TULP1: variants seen among roughly 807,000 people sequenced by gnomAD.
The protein encoded by TULP1 is TUB like protein 1, also known as tubby-related protein 1.
In TULP1, 50 loss-of-function variants were observed where a neutral mutation model predicts 67.1. The ratio of observed to expected loss-of-function variants is 0.75; its 90% CI spans 0.59 to 0.94. The LOEUF (loss-of-function observed/expected upper bound fraction) is 0.94, where lower values mean the gene tolerates loss of function less well. Ranked by LOEUF, TULP1 falls within the 40% of genes least tolerant of loss-of-function variation. The pLI, the probability that TULP1 is intolerant of heterozygous loss-of-function variation, is 0.00. For missense variants in TULP1, 746 were observed against 734.1 expected, an observed-to-expected ratio of 1.02 and a Z score of -0.19; for synonymous variants, 297 against 294.0, an observed-to-expected ratio of 1.01 and a Z score of -0.11.
chr6:35,499,559 C>T (rs1000872720), intron 14 of TULP1, among the ~76,000 whole-genome samples: 3 of 152,190 alleles, frequency 2.0e-5, no homozygotes, highest in Non-Finnish European at 4.4e-5. Context: ...AAATAAATTT[C>T]GAGGGCCAGT....
intron 8 of TULP1, among the ~76,000 whole-genome samples, chr6:35,506,699 C>T (rs1309497669): frequency 6.6e-6 from 1 of 152,092 alleles, no homozygotes; most frequent in Non-Finnish European, 1.5e-5. Context: ...GATAGTCATC[C>T]CCATTGTATA....
Position 35,503,580 on chromosome 6 carries a change from C to T in TULP1, c.1302G>A (p.Arg434=), listed in dbSNP as rs1254939310. Residue 434 remains arginine, a synonymous_variant, in exon 13 of 15, where the codon AGG becomes AGA. Coordinates refer to ENST00000229771, the MANE Select transcript of TULP1 (RefSeq NM_003322.6). This position sits in a 1 kb window ranked among gnomAD's most constrained non-coding sequence, Gnocchi z 4.0. ...IIPGMSAENE[R]VPIRPRNASD... is the part of the protein sequence containing the mutation. ...TCACATTTCGGGGCCGGATGGGGAC[C>T]CTCTCGTTCTCCGCACTCATGCCAG... The T allele has an allele frequency of 1.3e-6, 2 of 1,583,024 alleles. No individual in the cohort carries two copies. The highest frequency in any genetic ancestry group is 1.8e-5 in the Admixed American group (1 of 55,648).
At chr6:35,511,925 C>A in intron 3 of TULP1, 119 bp from the exon 4 acceptor site, 1 of 1,210,726 alleles carries the variant, frequency 8.3e-7, no homozygotes, top group Non-Finnish European at 1.1e-6. Context: ...AGGGATCTCC[C>A]CTGGGCTTGG....
chr6:35,505,574 A>G, intron 11 of TULP1, 167 bp downstream of exon 11: 1 of 1,524,120 alleles, frequency 6.6e-7, no homozygotes, highest in Non-Finnish European at 8.8e-7. Flanking sequence ...CATTTTAACA[A>G]GCTCCCCACA....
Position 35,512,232 on chromosome 6 carries a change from C to T in TULP1, c.138G>A (p.Thr46=). The change falls in exon 3 of 15, where the codon ACG becomes ACA. Residue 46 remains threonine (T), a synonymous_variant. Transcript: ENST00000229771. ...APAQRLRKKR[T]EAPESPCPTG... Reference sequence around the variant, plus strand: ...TGGGGCAGGGGGATTCGGGGGCCTCCGTCCTCTTCTTCCTTAGCCTCTGTG... The same window carrying T: ...TGGGGCAGGGGGATTCGGGGGCCTCTGTCCTCTTCTTCCTTAGCCTCTGTG... The T allele has an allele frequency of 4.4e-6, 6 of 1,378,268 alleles. No individual in the cohort carries two copies. The highest frequency in any genetic ancestry group is 2.1e-5 in the South Asian group (1 of 48,422). The allele number at this position is 1,378,268 out of a possible 1,614,324, so 85.4% of individuals were successfully genotyped here.
intron 8 of TULP1, among the ~76,000 whole-genome samples, chr6:35,508,153 G>A (rs1012623775): frequency 6.6e-6 from 1 of 152,224 alleles, no homozygotes; most frequent in Non-Finnish European, 1.5e-5. Context: ...GGTTTGCAGT[G>A]TGTTTGAGGG....
chr6:35,502,120 T>G (rs542802472), intron 13 of TULP1, among the ~76,000 whole-genome samples: 3 of 152,304 alleles, frequency 2.0e-5, no homozygotes, highest in South Asian at 4.1e-4. Flanking sequence ...ATATTGAGAC[T>G]TACACACTTA....
chr6:35,511,626 C>T (rs1761203944), intron 4 of TULP1, 22 bp downstream of exon 4: 1 of 1,587,068 alleles, frequency 6.3e-7, no homozygotes. Context: ...CCCTCACCCG[C>T]GTCCCTGGGG....
rs1478522828 is a variant in TULP1 at position 35,509,915 on chromosome 6, G to A, written c.513C>T (p.Ser171=). The A allele has an allele frequency of 6.2e-7, 1 of 1,613,790 alleles. No homozygotes were observed. Among genetic ancestry groups the A allele is most frequent in the South Asian group, 1.1e-5 (1 of 91,066 alleles). ...KAQGPRGDLG[S]PDPPPKPLRV... ...GCAGAGGTTTCGGTGGGGGGTCAGG[G>A]CTTCCCAGGTCTCCTGGAAATGGAA... Residue 171 remains serine (S), a synonymous_variant, in exon 6 of 15, where the codon AGC becomes AGT. Transcript: ENST00000229771.
chr6:35,506,011 C>G lies in TULP1; in HGVS notation c.991G>C (p.Glu331Gln). ...YPSYFLHLDTEKKVFLLAGRK... is the reference protein window; with the variant it reads ...YPSYFLHLDTQKKVFLLAGRK... The stretch of plus-strand genomic sequence containing the variant: ...TGCCTCTCCCCACCCACCTTCTTCT[C>G]CGTGTCCAGGTGCAGGAAGTAGGAG... Residue 331 changes from glutamate (E) to glutamine (Q), a missense_variant, in exon 10 of 15, where the codon GAG (glutamate) becomes CAG (glutamine). This residue lies in a region of TULP1 where 383 missense variants were observed against 374.1 expected (regional missense o/e 1.02). Coordinates refer to ENST00000229771, the MANE Select transcript of TULP1 (RefSeq NM_003322.6). 6.2e-7 allele frequency: 1 copy of G among 1,614,128 alleles called. No homozygotes were observed. Among genetic ancestry groups the G allele is most frequent in the Non-Finnish European group, 8.5e-7 (1 of 1,180,036 alleles).
Position 35,512,661 on chromosome 6 carries a change from T to C in TULP1, c.77A>G (p.Glu26Gly). ...SGHEEESLSP[E>G]APRRPKQRPA... ...TACCTGTTTGGGGCGCCGCGGGGCC[T>C]CCGGGCTCAGGCTTTCTTCTTCATG... Residue 26 changes from glutamate to glycine, a missense_variant, in exon 2 of 15, where the codon GAG (glutamate) becomes GGG (glycine). By Grantham distance (98) the Glu-to-Gly change is moderately conservative. Around this residue, in one of 3 missense-constraint regions of TULP1, gnomAD observed 359 missense variants for 341.9 expected, o/e 1.05. Coordinates refer to ENST00000229771, the MANE Select transcript of TULP1 (RefSeq NM_003322.6). The C allele has an allele frequency of 1.2e-6, 2 of 1,614,052 alleles. No homozygotes were observed. Among genetic ancestry groups the C allele is most frequent in the South Asian group, 2.2e-5 (2 of 91,082 alleles).
At chr6:35,512,547 G>A in intron 2 of TULP1, 92 bp downstream of exon 2, 2 of 1,550,412 alleles carry the variant, frequency 1.3e-6, no homozygotes, top group African/African-American at 1.4e-5. Flanking sequence ...CCTGCTAAGG[G>A]GGACCTGTCC....
In TULP1 at chr6:35,510,808, G is replaced by A. The variant is rs1761181233; in HGVS notation, c.499+53C>T. 1.9e-6 allele frequency: 3 copies of A among 1,610,768 alleles called. No individual in the cohort carries two copies. The Admixed American group carries it at 5.0e-5, about 27-fold the overall frequency. On this transcript the variant is annotated intron_variant, in intron 5 of 14. Coordinates refer to ENST00000229771, the MANE Select transcript of TULP1 (RefSeq NM_003322.6). ...CTCAGTGAGACGCCAAGCCCTCCAA[G>A]GACAGGGCTGTTCTGCTTCCCTGTG...
intron 3 of TULP1, 153 bp downstream of exon 3, chr6:35,512,027 C>G: frequency 1.8e-6 from 1 of 563,160 alleles, no homozygotes; most frequent in Non-Finnish European, 3.0e-6. Flanking sequence ...ACCCCAACCC[C>G]AACCCCAACC....
At chr6:35,511,837 C>T (rs987809671) in intron 3 of TULP1, 31 bp from the exon 4 acceptor site, 1 of 1,504,436 alleles carries the variant, frequency 6.6e-7, no homozygotes, top group Non-Finnish European at 8.9e-7. Context: ...CAGACAGGGT[C>T]CCATCCGCGG....
chr6:35,500,907 G>A (rs1198331595), intron 13 of TULP1, among the ~76,000 whole-genome samples: 1 of 152,236 alleles, frequency 6.6e-6, no homozygotes, highest in East Asian at 1.9e-4. Flanking sequence ...GGGGCCCACA[G>A]GCTGAGTGAA....
At position 35,511,805 on chromosome 6, in the gene TULP1, A is replaced by T; in HGVS notation, c.192T>A (p.Ala64=). 2 of 1,548,008 alleles carry T rather than the reference A, an allele frequency of 1.3e-6. No homozygotes were observed. The highest frequency in any genetic ancestry group is 1.2e-5 in the South Asian group (1 of 83,616). Reference sequence around the variant, plus strand: ...CCTCCCGCGGCCTCCCCGTCCGCCCAGCTGAGCCGAGATGCGGGGTTCAGA... The same window carrying T: ...CCTCCCGCGGCCTCCCCGTCCGCCCTGCTGAGCCGAGATGCGGGGTTCAGA... The part of the protein sequence containing the change: ...PTGSKPRKPG[A]GRTGRPREEP... Residue 64 remains alanine (A), a splice_region_variant and synonymous_variant, in exon 4 of 15, where the codon GCT becomes GCA. Coordinates refer to ENST00000229771, the MANE Select transcript of TULP1 (RefSeq NM_003322.6).
In TULP1 at chr6:35,510,920, A is replaced by G; in HGVS notation, c.440T>C (p.Leu147Pro). The change falls in exon 5 of 15, where the codon CTG becomes CCG. Residue 147 changes from leucine to proline, a missense_variant. Leu to Pro is a moderately conservative substitution (Grantham distance 98). Transcript: ENST00000229771. ...CAGGTCTGCGGAGCTCTTCTCTCTC[A>G]GGGGCTTCTTGGGAGGCAGAAGGAT... ...EKILLPPKKP[L>P]REKSSADLKE... 6.2e-7 allele frequency: 1 copy of G among 1,613,686 alleles called. No homozygotes were observed. The highest frequency in any genetic ancestry group is 2.2e-5 in the East Asian group (1 of 44,848).
intron 5 of TULP1, among the ~76,000 whole-genome samples, chr6:35,510,470 G>A (rs1372304597): frequency 2.6e-5 from 4 of 152,090 alleles, no homozygotes; most frequent in African/African-American, 9.7e-5. Flanking sequence ...TCCCTAACAG[G>A]TAATGTGCCC....
Sources: gnomAD v4.1 joint callset for allele counts (sites outside exome capture counted in the v4.1 genomes callset) on GRCh38, gnomAD v4.1.1 for gene constraint, gnomAD v4.1.1 regional missense constraint, Gnocchi (gnomAD v3.1) non-coding constraint, MANE v1.5 for transcripts, NCBI Gene and HGNC (gene_info 2026-07-23, HGNC 2026-07-21) for gene names.